The following GPHN variants were observed in gnomAD, a reference collection of about 807,000 sequenced individuals.
GPHN encodes gephyrin.
GPHN carries 17 observed loss-of-function variants against 95.5 expected under a neutral mutation model. The ratio of observed to expected loss-of-function variants is 0.18; its 90% confidence interval spans 0.12 to 0.27. The LOEUF is 0.27. Ranked by LOEUF, GPHN falls within the 10% of genes least tolerant of loss-of-function variation. The pLI is 1.00. For synonymous variants in GPHN, 320 were observed against 322.5 expected (o/e 0.99, Z 0.08); for missense variants, 660 against 978.1 (o/e 0.67, Z 4.34).
At chr14:67,279,066 G>GTTTT in the GPHN span, 1 of 934,160 alleles carries the variant, frequency 1.1e-6, no homozygotes, top group South Asian at 2.4e-5. Flanking sequence ...GATGTGAGAA[G>GTTTT]TTTTTTTTTT....
At chr14:66,674,288 C>T (rs1293535974) in intron 1 of GPHN, among the ~76,000 whole-genome samples, 16 of 151,752 alleles carry the variant, frequency 1.1e-4, no homozygotes, top group African/African-American at 9.7e-5. Flanking sequence ...TTAGTAGAGA[C>T]GGGGTTTCAC....
the GPHN span, among the ~76,000 whole-genome samples, chr14:67,513,236 G>A: frequency 5.3e-5 from 8 of 152,136 alleles, no homozygotes; most frequent in African/African-American, 1.7e-4. Flanking sequence ...CCTCAGCTCC[G>A]AATAAATAGC....
intron 13 of GPHN, 43 bp downstream of exon 13, chr14:67,100,954 A>G: frequency 8.4e-7 from 1 of 1,195,536 alleles, no homozygotes; most frequent in Non-Finnish European, 1.3e-6. Flanking sequence ...TTTCAGCTTC[A>G]TGGACTTTGG....
intron 8 of GPHN, among the ~76,000 whole-genome samples, chr14:66,960,697 G>A (rs2068842098): frequency 6.6e-6 from 1 of 152,072 alleles, no homozygotes. Context: ...GCAATTTACA[G>A]CTCTTCATTA....
intron 12 of GPHN, among the ~76,000 whole-genome samples, chr14:67,089,971 C>T (rs2077080561): frequency 6.6e-6 from 1 of 151,956 alleles, no homozygotes; most frequent in Admixed American, 6.6e-5. Context: ...ATATGTAGTA[C>T]ACATTGTAGA....
intron 9 of GPHN, among the ~76,000 whole-genome samples, chr14:66,972,330 A>G (rs2069861720): frequency 6.6e-6 from 1 of 151,778 alleles, no homozygotes; most frequent in South Asian, 2.1e-4. Context: ...ACTGGCAAAA[A>G]AGCAACAAAT....
At position 67,110,394 on chromosome 14, in the gene GPHN, A is replaced by T. The variant is rs577373475; in HGVS notation, c.1413+135A>T. 4.0e-5 allele frequency: 34 copies of T among 854,746 alleles called. No individual in the cohort carries two copies. In the South Asian group the frequency reaches 4.5e-4, roughly 11 times the overall value. The allele number at this position is 854,746 out of a possible 1,614,324, so 52.9% of individuals were successfully genotyped here. ...TTGTTTTGTTTTTGCTTATGGTGGG[A>T]TCTTATATTGTAGTATATGAGTCTC... is the stretch of plus-strand genomic sequence containing the variant. On this transcript the variant is annotated intron_variant, in intron 14 of 22. Coordinates refer to ENST00000478722, the MANE Select transcript of GPHN (RefSeq NM_020806.5).
chr14:67,303,672 C>T, the GPHN span: 2 of 1,026,612 alleles, frequency 1.9e-6, no homozygotes, highest in South Asian at 1.3e-5. Flanking sequence ...TTTACTGTTA[C>T]AGAAATGTCA....
chr14:67,674,219 G>A, the GPHN span, among the ~76,000 whole-genome samples: 2 of 152,232 alleles, frequency 1.3e-5, no homozygotes, highest in East Asian at 1.9e-4. Context: ...AGTGGCAGCA[G>A]GGAGACCTGG....
At chr14:67,420,271 T>G in the GPHN span, among the ~76,000 whole-genome samples, 6 of 152,264 alleles carry the variant, frequency 3.9e-5, no homozygotes, top group Admixed American at 6.5e-5. Flanking sequence ...AGGCCCCCTG[T>G]CTCCATACAC....
chr14:67,164,772 G>A (rs1432027999), intron 19 of GPHN, among the ~76,000 whole-genome samples: 1 of 152,138 alleles, frequency 6.6e-6, no homozygotes, highest in Non-Finnish European at 1.5e-5. Context: ...GATTACAGGT[G>A]TGAGCCACCA....
rs184136780 is a variant in GPHN, at chr14:66,714,622, A to G, written c.143+33437A>G. Among the ~76,000 whole-genome samples the G allele has an allele frequency of 3.0e-3, 456 of 152,224 alleles. 3 individuals are homozygous for G. The highest frequency in any genetic ancestry group is 0.011 in the African/African-American group (438 of 41,524). ...TATGTCGGCTGTGGGTTTGTCATAG[A>G]TGGCTTTTATTACATTGAGGTGTGT... On this transcript the variant is annotated intron_variant, in intron 2 of 22. Coordinates refer to ENST00000478722, the MANE Select transcript of GPHN (RefSeq NM_020806.5).
chr14:67,427,813 A>G, the GPHN span, among the ~76,000 whole-genome samples: 3 of 152,082 alleles, frequency 2.0e-5, no homozygotes, highest in African/African-American at 7.2e-5. Flanking sequence ...TAGTAACTGT[A>G]AGGCACCGTG....
At chr14:67,150,754 A>G (rs983640793) in intron 18 of GPHN, among the ~76,000 whole-genome samples, 1 of 151,972 alleles carries the variant, frequency 6.6e-6, no homozygotes, top group African/African-American at 2.4e-5. Context: ...CAGGGTCTCA[A>G]TATTTTGCTC....
At chr14:66,632,685 G>T (rs1182403720) in intron 1 of GPHN, among the ~76,000 whole-genome samples, 2 of 151,750 alleles carry the variant, frequency 1.3e-5, no homozygotes, top group Non-Finnish European at 1.5e-5. Context: ...TAGAGACGGG[G>T]TTTCACCTTG....
chr14:66,536,824 T>TTC (rs2059163284), intron 1 of GPHN, among the ~76,000 whole-genome samples: 1 of 152,234 alleles, frequency 6.6e-6, no homozygotes. Context: ...TTTTTTCCTG[T>TTC]TCTCTCAGTT....
intron 1 of GPHN, among the ~76,000 whole-genome samples, chr14:66,650,610 A>G (rs902935965): frequency 1.3e-5 from 2 of 152,236 alleles, no homozygotes; most frequent in Non-Finnish European, 2.9e-5. Flanking sequence ...GTGGTATGCA[A>G]TCCAGGTTGA....
At chr14:67,607,600 C>T in the GPHN span, among the ~76,000 whole-genome samples, 1 of 152,106 alleles carries the variant, frequency 6.6e-6, no homozygotes, top group African/African-American at 2.4e-5. Context: ...CTCTTGACTT[C>T]GTGATCTGCC....
At chr14:67,235,540 C>G in the GPHN span, among the ~76,000 whole-genome samples, 1 of 151,980 alleles carries the variant, frequency 6.6e-6, no homozygotes, top group African/African-American at 2.4e-5. Context: ...ACGGTGAAAC[C>G]CTGTCTCTAC....
Sources: allele counts gnomAD v4.1 joint callset (sites outside exome capture counted in the v4.1 genomes callset), GRCh38; gene constraint gnomAD v4.1.1; transcripts MANE v1.5; gene names NCBI Gene and HGNC (gene_info 2026-07-23, HGNC 2026-07-21).